Variants in MAGI2 observed in about 807,000 individuals in gnomAD.
MAGI2 encodes the protein membrane associated guanylate kinase, WW and PDZ domain containing 2.
Under a neutral mutation model 133.3 loss-of-function variants are expected in MAGI2, and 35 were observed. The observed-to-expected ratio is 0.26, with a 90% CI of 0.20 to 0.35. The LOEUF (loss-of-function observed/expected upper bound fraction) is 0.35, where lower values mean the gene tolerates loss of function less well. Ranked by LOEUF, MAGI2 falls within the 10% of genes least tolerant of loss-of-function variation. The probability of loss-of-function intolerance (pLI) is 1.00; values close to 1 mark genes in which losing one functional copy is unlikely to be tolerated. For synonymous variants in MAGI2, 729 were observed against 710.6 expected (o/e 1.03, Z -0.41); for missense variants, 1,636 against 1,863.4 (o/e 0.88, Z 2.25).
At chr7:79,442,432 T>G (rs1848552904) in intron 1 of MAGI2, among the ~76,000 whole-genome samples, 1 of 150,204 alleles carries the variant, frequency 6.7e-6, no homozygotes, top group Non-Finnish European at 1.5e-5. Context: ...AAGCTGGCAC[T>G]GAACCTTAGT....
At chr7:79,070,549 T>A (rs991208971) in intron 1 of MAGI2, among the ~76,000 whole-genome samples, 1 of 151,964 alleles carries the variant, frequency 6.6e-6, no homozygotes, top group South Asian at 2.1e-4. Context: ...TGGAGTGCAG[T>A]GGCACGATCT....
intron 9 of MAGI2, among the ~76,000 whole-genome samples, chr7:78,309,651 T>C (rs1324890251): frequency 6.6e-6 from 1 of 152,138 alleles, no homozygotes; most frequent in African/African-American, 2.4e-5. Flanking sequence ...AACCTATATG[T>C]GTATCCCCTG....
intron 1 of MAGI2, among the ~76,000 whole-genome samples, chr7:79,313,406 T>A (rs1352682976): frequency 6.6e-6 from 1 of 152,132 alleles, no homozygotes; most frequent in East Asian, 1.9e-4. Flanking sequence ...TTCCTGTTTC[T>A]TACTGTCTCA....
chr7:78,798,034 T>C lies in MAGI2; in HGVS notation c.419-170795A>G, dbSNP rs1787760304. On this transcript the variant is annotated intron_variant, in intron 2 of 21. Coordinates refer to ENST00000354212, the MANE Select transcript of MAGI2 (RefSeq NM_012301.4). ...GTTTTATTATTTCTGTTCAGTTTTC[T>C]CTAGGTAAGTGGAAAGGAGATACAA... Among the ~76,000 whole-genome samples, 3 of 152,170 alleles carry C rather than the reference T, an allele frequency of 2.0e-5. No individual in the cohort carries two copies. The South Asian group carries it at 6.2e-4, about 31-fold the overall frequency.
chr7:79,086,778 A>G (rs546852196), intron 1 of MAGI2, among the ~76,000 whole-genome samples: 1 of 151,960 alleles, frequency 6.6e-6, no homozygotes, highest in Non-Finnish European at 1.5e-5. Context: ...GTAATTATAA[A>G]ACTTTTTATG....
At chr7:78,355,500 G>T (rs1791982252) in intron 7 of MAGI2, among the ~76,000 whole-genome samples, 1 of 152,178 alleles carries the variant, frequency 6.6e-6, no homozygotes, top group Non-Finnish European at 1.5e-5. Flanking sequence ...ACTATATGCT[G>T]ACCCTCAGTG....
At chr7:79,061,973 A>G (rs1424880576) in intron 1 of MAGI2, among the ~76,000 whole-genome samples, 1 of 152,166 alleles carries the variant, frequency 6.6e-6, no homozygotes, top group East Asian at 1.9e-4. Flanking sequence ...TTTCTGTGAG[A>G]ATTAAATAAA....
chr7:78,835,122 T>TA (rs1367471766), intron 2 of MAGI2, among the ~76,000 whole-genome samples: 2 of 152,340 alleles, frequency 1.3e-5, no homozygotes, highest in Admixed American at 6.5e-5. Flanking sequence ...GGTCATATAG[T>TA]AACTCTATGT....
intron 1 of MAGI2, among the ~76,000 whole-genome samples, chr7:79,203,475 T>C (rs559686217): frequency 3.2e-4 from 49 of 152,162 alleles, no homozygotes; most frequent in African/African-American, 1.2e-3. Context: ...AATAACTCAG[T>C]TCTGTAGTAA....
At chr7:78,169,411 C>A (rs184583748) in intron 14 of MAGI2, among the ~76,000 whole-genome samples, 5 of 149,420 alleles carry the variant, frequency 3.3e-5, no homozygotes, top group African/African-American at 1.2e-4. Flanking sequence ...ATAATAATTT[C>A]TTTCAAATCC....
At chr7:78,882,714 A>C (rs74729397) in intron 2 of MAGI2, among the ~76,000 whole-genome samples, 5,080 of 152,212 alleles carry the variant, frequency 0.033, 244 homozygotes, top group East Asian at 0.21. Context: ...TACACAAATC[A>C]ATAAATGTGA....
chr7:79,085,254 C>T (rs1816385693), intron 1 of MAGI2, among the ~76,000 whole-genome samples: 1 of 151,796 alleles, frequency 6.6e-6, no homozygotes, highest in African/African-American at 2.4e-5. Flanking sequence ...TTCAAATCTG[C>T]TACTGAGCCC....
At chr7:78,580,842 AGTTCTGTCT>A (rs1802760216) in intron 3 of MAGI2, among the ~76,000 whole-genome samples, 1 of 152,224 alleles carries the variant, frequency 6.6e-6, no homozygotes, top group Non-Finnish European at 1.5e-5. Flanking sequence ...AAAAACATAA[AGTTCTGTCT>A]GTCCTGTCTG....
intron 9 of MAGI2, among the ~76,000 whole-genome samples, chr7:78,286,619 C>T (rs532089747): frequency 1.3e-5 from 2 of 152,040 alleles, no homozygotes; most frequent in South Asian, 4.2e-4. Flanking sequence ...GAGATGAGGA[C>T]AATCATGAGA....
intron 2 of MAGI2, among the ~76,000 whole-genome samples, chr7:78,864,197 T>C (rs1794370011): frequency 6.6e-6 from 1 of 152,236 alleles, no homozygotes; most frequent in Non-Finnish European, 1.5e-5. Context: ...AGCAAAATAT[T>C]GCCTGGCAGG....
chr7:78,276,580 T>TC (rs1162114239), intron 9 of MAGI2, among the ~76,000 whole-genome samples: 2 of 152,120 alleles, frequency 1.3e-5, no homozygotes, highest in African/African-American at 4.8e-5. Flanking sequence ...TAATTTTTTT[T>TC]AAATCAGGAA....
chr7:78,897,033 G>T (rs1797267317), intron 2 of MAGI2, among the ~76,000 whole-genome samples: 1 of 152,166 alleles, frequency 6.6e-6, no homozygotes, highest in African/African-American at 2.4e-5. Context: ...AATGGCCGTT[G>T]AGTTTCCAGA....
intron 2 of MAGI2, among the ~76,000 whole-genome samples, chr7:78,815,262 C>T (rs1218487728): frequency 1.3e-5 from 2 of 152,090 alleles, no homozygotes; most frequent in Non-Finnish European, 2.9e-5. Flanking sequence ...CCAGGTGGAA[C>T]TACTGGAAAG....
intron 7 of MAGI2, among the ~76,000 whole-genome samples, chr7:78,351,295 A>G (rs1791485049): frequency 6.6e-6 from 1 of 152,040 alleles, no homozygotes. Flanking sequence ...TTGCCTGAGC[A>G]TAGGAGTTTG....
Sources: allele counts gnomAD v4.1 joint callset (sites outside exome capture counted in the v4.1 genomes callset), GRCh38; gene constraint gnomAD v4.1.1; transcripts MANE v1.5; gene names NCBI Gene and HGNC (gene_info 2026-07-23, HGNC 2026-07-21).